SLC2A9: variants seen among roughly 807,000 people sequenced by gnomAD.
SLC2A9 encodes the protein solute carrier family 2 member 9.
A neutral mutation model predicts 50.6 loss-of-function variants in SLC2A9; 39 were observed. The ratio of observed to expected loss-of-function variants is 0.77; its 90% confidence interval spans 0.60 to 1.01. SLC2A9 has a LOEUF of 1.01. SLC2A9 is among the 50% of genes least tolerant of loss of function. The pLI is 0.00. For missense variants in SLC2A9, 686 were observed against 677.6 expected, an observed-to-expected ratio of 1.01 and a Z score of -0.14; for synonymous variants, 324 against 276.9, an observed-to-expected ratio of 1.17 and a Z score of -1.69.
downstream of SLC2A9, among the ~76,000 whole-genome samples, chr4:9,825,522 T>A (rs1724997298): frequency 1.5e-5 from 1 of 65,232 alleles, no homozygotes; most frequent in Non-Finnish European, 3.2e-5. Context: ...AGATCACCAA[T>A]TAATCACAAT....
chr4:9,854,407 G>T (rs1347199335), intron 10 of SLC2A9, among the ~76,000 whole-genome samples: 1 of 152,118 alleles, frequency 6.6e-6, no homozygotes, highest in African/African-American at 2.4e-5. Context: ...GATTGAACAA[G>T]GAAGAAACTG....
chr4:9,920,604 A>G, intron 6 of SLC2A9, 32 bp from the exon 7 acceptor site: 1 of 1,613,420 alleles, frequency 6.2e-7, no homozygotes, highest in East Asian at 2.2e-5. Flanking sequence ...GACTTTCAGC[A>G]GGGATTAGAG....
chr4:9,898,256 A>G (rs1738933757), intron 8 of SLC2A9, among the ~76,000 whole-genome samples: 1 of 152,192 alleles, frequency 6.6e-6, no homozygotes, highest in East Asian at 1.9e-4. Context: ...AATGTATGTA[A>G]AAAAAAGAAG....
chr4:9,799,692 A>ACCACC (rs1553813207), intron 3 of SLC2A9, among the ~76,000 whole-genome samples: 1 of 69,810 alleles, frequency 1.4e-5, no homozygotes, highest in Non-Finnish European at 2.7e-5. Flanking sequence ...TTCCAATTGT[A>ACCACC]CCCCCCCCCC....
chr4:9,920,273 G>T, intron 7 of SLC2A9, 112 bp downstream of exon 7: 7 of 1,121,658 alleles, frequency 6.2e-6, no homozygotes, highest in Non-Finnish European at 9.2e-6. Context: ...AGAGTTTGTG[G>T]CAATGACAGA....
intron 1 of SLC2A9, among the ~76,000 whole-genome samples, chr4:10,039,233 C>A (rs1764201277): frequency 6.6e-6 from 1 of 152,194 alleles, no homozygotes; most frequent in African/African-American, 2.4e-5. Context: ...AGTGTAAGTG[C>A]CGCACACACT....
At chr4:9,949,696 A>G (rs1749855253) in intron 5 of SLC2A9, among the ~76,000 whole-genome samples, 1 of 152,180 alleles carries the variant, frequency 6.6e-6, no homozygotes, top group Non-Finnish European at 1.5e-5. Flanking sequence ...GGCAGCTGCT[A>G]GCTGAATAGG....
chr4:9,854,242 C>T (rs994014062), intron 10 of SLC2A9, among the ~76,000 whole-genome samples: 5 of 151,948 alleles, frequency 3.3e-5, no homozygotes, highest in Admixed American at 2.0e-4. Flanking sequence ...AGGCCACTAT[C>T]TAAACTAATT....
At chr4:9,775,343 C>G (rs56095448), downstream of SLC2A9, among the ~76,000 whole-genome samples, 17,854 of 152,088 alleles carry the variant, frequency 0.12, 1,077 homozygotes, top group East Asian at 0.15. Flanking sequence ...GCCTCAGCCC[C>G]CATGCAGCAT....
At chr4:9,772,062 G>T (rs549631015) in intron 1 of SLC2A9, among the ~76,000 whole-genome samples, 3 of 152,290 alleles carry the variant, frequency 2.0e-5, no homozygotes, top group African/African-American at 7.2e-5. Context: ...TTAATAATGT[G>T]GGTTGCAGGG....
intron 3 of SLC2A9, among the ~76,000 whole-genome samples, chr4:9,780,928 G>C (rs1225064138): frequency 1.3e-5 from 2 of 152,164 alleles, no homozygotes; most frequent in Non-Finnish European, 2.9e-5. Context: ...CAACTCTATG[G>C]GGGTGGGGGG....
chr4:9,878,260 T>G (rs544816928), intron 10 of SLC2A9, among the ~76,000 whole-genome samples: 2 of 152,244 alleles, frequency 1.3e-5, no homozygotes, highest in Admixed American at 1.3e-4. Flanking sequence ...GCTTTTGTCA[T>G]TTATAATGAA....
At chr4:9,826,711 T>A in intron 11 of SLC2A9, 111 bp from the exon 12 acceptor site, 1 of 957,658 alleles carries the variant, frequency 1.0e-6, no homozygotes, top group East Asian at 2.6e-5. Flanking sequence ...CCAATACTCC[T>A]AGACAAAACA....
At chr4:10,000,072 C>T (rs1238561837) in intron 2 of SLC2A9, among the ~76,000 whole-genome samples, 1 of 152,012 alleles carries the variant, frequency 6.6e-6, no homozygotes, top group African/African-American at 2.4e-5. Flanking sequence ...GGGAGACACC[C>T]TCTGCTTGCG....
chr4:9,925,396 C>T (rs1437502865), intron 6 of SLC2A9, among the ~76,000 whole-genome samples: 1 of 152,206 alleles, frequency 6.6e-6, no homozygotes. Flanking sequence ...TGTGCCCACC[C>T]CTGGGAGCGC....
At chr4:9,871,370 T>C (rs1733405767) in intron 10 of SLC2A9, among the ~76,000 whole-genome samples, 1 of 152,164 alleles carries the variant, frequency 6.6e-6, no homozygotes, top group South Asian at 2.1e-4. Context: ...CTGTCATTGT[T>C]CTAGAGGCAG....
intron 3 of SLC2A9, among the ~76,000 whole-genome samples, chr4:9,788,293 G>T (rs79838751): frequency 2.0e-5 from 3 of 151,818 alleles, no homozygotes; most frequent in Non-Finnish European, 4.4e-5. Context: ...GGGCCAAAGT[G>T]ATCCTCTCAC....
Position 10,031,249 on chromosome 4 carries a change from C to T in SLC2A9, c.-40-5243G>A, listed in dbSNP as rs537762106. 4.6e-5 allele frequency among the ~76,000 whole-genome samples: 7 copies of T among 152,334 alleles called. No individual in the cohort carries two copies. In the South Asian group the frequency reaches 1.2e-3, roughly 27 times the overall value. On this transcript the variant is annotated intron_variant, in intron 1 of 12. Transcript: ENST00000309065. Reference sequence around the variant, plus strand: ...AGACACAAAAGGATAGAGTTTCACTCATATAAGAGAGGTCCAGCTTTAATA... The same window carrying T: ...AGACACAAAAGGATAGAGTTTCACTTATATAAGAGAGGTCCAGCTTTAATA...
chr4:9,782,644 G>C (rs368793452), intron 3 of SLC2A9: 3 of 1,613,914 alleles, frequency 1.9e-6, no homozygotes, highest in Non-Finnish European at 8.5e-7. Context: ...CCTGGGAGGA[G>C]GACTTTTGGG....
Sources: allele counts gnomAD v4.1 joint callset (sites outside exome capture counted in the v4.1 genomes callset), GRCh38; gene constraint gnomAD v4.1.1; transcripts MANE v1.5; gene names NCBI Gene and HGNC (gene_info 2026-07-23, HGNC 2026-07-21).